CEPT1: variants seen among roughly 807,000 people sequenced by gnomAD.
CEPT1 encodes choline/ethanolaminephosphotransferase 1.
CEPT1 carries 7 observed loss-of-function variants against 42.6 expected under a neutral mutation model. The ratio of observed to expected loss-of-function variants is 0.16; its 90% CI spans 0.09 to 0.31. The LOEUF (loss-of-function observed/expected upper bound fraction) is 0.31, where lower values mean the gene tolerates loss of function less well. Among genes scored for constraint, CEPT1 ranks in the 10% least tolerant of loss-of-function variants. The pLI is 1.00. For synonymous variants in CEPT1, 171 were observed against 171.9 expected (o/e 0.99, Z 0.04); for missense variants, 306 against 502.1 (o/e 0.61, Z 3.73).
At chr1:111,142,347 A>T (rs1278162415) in intron 1 of CEPT1, among the ~76,000 whole-genome samples, 1 of 152,206 alleles carries the variant, frequency 6.6e-6, no homozygotes, top group Non-Finnish European at 1.5e-5. Flanking sequence ...TTCATAACTT[A>T]GCTGTTTCTG....
chr1:111,149,192 C>CTTCT lies in CEPT1; in HGVS notation c.339+1139_339+1140insTTCT, dbSNP rs1295994122. Among the ~76,000 whole-genome samples the CTTCT allele has an allele frequency of 5.3e-5, 8 of 151,920 alleles. No homozygotes were observed. The East Asian group carries it at 1.5e-3, about 29-fold the overall frequency. ...TATTTTCCAGGTTTTCATTTCCCAT[C>CTTCT]ACCCTTAATTCCTCTTCTACTATTG... On this transcript the variant is annotated intron_variant, in intron 2 of 8. Transcript: ENST00000357172.
intron 4 of CEPT1, among the ~76,000 whole-genome samples, chr1:111,171,904 A>G (rs1656435462): frequency 6.6e-6 from 1 of 152,020 alleles, no homozygotes; most frequent in Non-Finnish European, 1.5e-5. Flanking sequence ...ACACCTGTTA[A>G]TTTTGTATTG....
intron 1 of CEPT1, among the ~76,000 whole-genome samples, chr1:111,142,286 A>AC (rs1203716489): frequency 6.6e-6 from 1 of 152,150 alleles, no homozygotes; most frequent in African/African-American, 2.4e-5. Flanking sequence ...GTCAGACCGT[A>AC]TGTGTTTTCC....
At chr1:111,167,892 CTT>C (rs11339361) in intron 4 of CEPT1, 6,435 of 501,236 alleles carry the variant, frequency 0.013, no homozygotes, top group South Asian at 0.019. Context: ...TATCTTTTTC[CTT>C]TTTTTTTTTT....
In CEPT1 at chr1:111,182,947, A is replaced by T; in HGVS notation, c.995A>T (p.Asn332Ile). The T allele has an allele frequency of 6.2e-7, 1 of 1,611,908 alleles. No homozygotes were observed. Among genetic ancestry groups the T allele is most frequent in the Non-Finnish European group, 8.5e-7 (1 of 1,179,126 alleles). Residue 332 changes from asparagine to isoleucine, a missense_variant, in exon 7 of 9, where the codon AAT becomes ATT. By Grantham distance (149) the Asn-to-Ile change is moderately radical (BLOSUM62 -3). Around this residue, in one of 2 missense-constraint regions of CEPT1, gnomAD observed 253 missense variants for 447.3 expected, o/e 0.57. Transcript: ENST00000357172. ...GGTTTTGTGTCTGCTAAAATCACTA[A>T]TAAGCTTGTGGTAAGCACCTGAGTT... ...TFGFVSAKITNKLVVAHMTKS... is the reference protein window; with the variant it reads ...TFGFVSAKITIKLVVAHMTKS...
chr1:111,143,116 A>G (rs143436006), intron 1 of CEPT1, among the ~76,000 whole-genome samples: 70 of 152,340 alleles, frequency 4.6e-4, no homozygotes, highest in African/African-American at 1.5e-3. Context: ...GTTGCTTTCC[A>G]TTACATCCAA....
At chr1:111,175,063 C>A (rs1016172107) in intron 5 of CEPT1, 100 bp downstream of exon 5, 21 of 785,732 alleles carry the variant, frequency 2.7e-5, no homozygotes, top group Non-Finnish European at 4.2e-5. Context: ...GTGTGAAATT[C>A]TTTTATTTTT....
At chr1:111,155,701 G>A (rs2101282712) in intron 2 of CEPT1, among the ~76,000 whole-genome samples, 1 of 152,152 alleles carries the variant, frequency 6.6e-6, no homozygotes, top group South Asian at 2.1e-4. Context: ...ACCACACCCG[G>A]CTAATTTTGT....
intron 4 of CEPT1, among the ~76,000 whole-genome samples, chr1:111,161,997 C>T (rs1655899288): frequency 6.6e-6 from 1 of 152,098 alleles, no homozygotes; most frequent in African/African-American, 2.4e-5. Flanking sequence ...TGATGTTGTC[C>T]TGTGATGAAG....
chr1:111,163,232 A>C (rs1254372615), intron 4 of CEPT1, among the ~76,000 whole-genome samples: 1 of 152,228 alleles, frequency 6.6e-6, no homozygotes, highest in Non-Finnish European at 1.5e-5. Context: ...ACAAGGGATT[A>C]GTTTTAATTT....
At chr1:111,169,185 A>G (rs1224551288) in intron 4 of CEPT1, among the ~76,000 whole-genome samples, 3 of 152,204 alleles carry the variant, frequency 2.0e-5, no homozygotes, top group African/African-American at 4.8e-5. Flanking sequence ...GAACCCACAG[A>G]TAGAGAGGGC....
intron 3 of CEPT1, chr1:111,159,958 A>C (rs1429807683): frequency 1.3e-5 from 2 of 154,120 alleles, no homozygotes; most frequent in Non-Finnish European, 2.9e-5. Flanking sequence ...ATGACAAATT[A>C]GGAGTATCGT....
At chr1:111,183,157 C>A (rs1657074665) in intron 7 of CEPT1, among the ~76,000 whole-genome samples, 200 bp downstream of exon 7, 1 of 152,168 alleles carries the variant, frequency 6.6e-6, no homozygotes, top group African/African-American at 2.4e-5. Flanking sequence ...TCTTGGAAAA[C>A]ATACAACTTT....
rs548884138 is a variant in CEPT1, at chr1:111,156,098, G to A, written c.340-3282G>A. Among the ~76,000 whole-genome samples, 3 of 151,852 alleles carry A rather than the reference G, an allele frequency of 2.0e-5. No individual in the cohort carries two copies. In the South Asian group the frequency reaches 6.2e-4, roughly 32 times the overall value. ...TGTATCTTGTAGGTTTTGGTATTTT[G>A]TGCTTCTGTTTTTATATTTTTCAAA... On this transcript the variant is annotated intron_variant, in intron 2 of 8. Transcript: ENST00000357172.
chr1:111,153,130 CCTT>C (rs1358757911), intron 2 of CEPT1, among the ~76,000 whole-genome samples: 2 of 152,296 alleles, frequency 1.3e-5, no homozygotes, highest in Non-Finnish European at 2.9e-5. Context: ...CTCCCCTCCT[CCTT>C]ACCCATCCCA....
intron 2 of CEPT1, 121 bp downstream of exon 2, chr1:111,148,174 C>A (rs1655075965): frequency 1.4e-6 from 1 of 739,990 alleles, no homozygotes; most frequent in Non-Finnish European, 2.2e-6. Flanking sequence ...TTTAAAATAT[C>A]ACACACACTG....
At chr1:111,169,360 C>G (rs1478446176) in intron 4 of CEPT1, among the ~76,000 whole-genome samples, 4 of 152,102 alleles carry the variant, frequency 2.6e-5, no homozygotes, top group Admixed American at 2.6e-4. Context: ...TAGCAAAGGT[C>G]TTTTCCACCA....
chr1:111,176,442 C>T (rs1008864319), intron 5 of CEPT1, among the ~76,000 whole-genome samples: 2 of 151,978 alleles, frequency 1.3e-5, no homozygotes, highest in Non-Finnish European at 2.9e-5. Context: ...TTTTTATAAG[C>T]CTTGTATACC....
At chr1:111,182,381 G>A in intron 6 of CEPT1, 63 bp downstream of exon 6, 2 of 1,486,818 alleles carry the variant, frequency 1.3e-6, no homozygotes, top group South Asian at 2.5e-5. Context: ...TTGTCATTTT[G>A]TTTTTTATTT....
Sources: allele counts gnomAD v4.1 joint callset (sites outside exome capture counted in the v4.1 genomes callset), GRCh38; gene constraint gnomAD v4.1.1; regional missense constraint gnomAD v4.1.1; transcripts MANE v1.5; gene names NCBI Gene and HGNC (gene_info 2026-07-23, HGNC 2026-07-21).